Variants in RYR3 observed in about 807,000 individuals in gnomAD.
RYR3 encodes ryanodine receptor 3.
A neutral mutation model predicts 584.3 loss-of-function variants in RYR3; 207 were observed. The observed-to-expected ratio is 0.35, with a 90% confidence interval of 0.32 to 0.40. RYR3 has a LOEUF of 0.40. Among genes scored for constraint, RYR3 ranks in the 10% least tolerant of loss-of-function variants. RYR3 has a pLI of 1.00. For synonymous variants in RYR3, 2,416 were observed against 2,248.5 expected, an observed-to-expected ratio of 1.07 and a Z score of -2.11; for missense variants, 5,616 against 6,089.2, an observed-to-expected ratio of 0.92 and a Z score of 2.59.
intron 2 of RYR3, among the ~76,000 whole-genome samples, chr15:33,487,502 T>C (rs2050559485): frequency 6.6e-6 from 1 of 152,164 alleles, no homozygotes; most frequent in African/African-American, 2.4e-5. Context: ...GACCTAGACA[T>C]TCTTTTTTAT....
At chr15:33,567,453 T>C (rs1287005916) in intron 12 of RYR3, among the ~76,000 whole-genome samples, 1 of 152,202 alleles carries the variant, frequency 6.6e-6, no homozygotes, top group African/African-American at 2.4e-5. Context: ...ATAAATTACG[T>C]GTGTGAATTT....
At chr15:33,379,079 C>T (rs1373077445) in intron 1 of RYR3, among the ~76,000 whole-genome samples, 2 of 152,144 alleles carry the variant, frequency 1.3e-5, no homozygotes, top group African/African-American at 4.8e-5. Context: ...ACTACTTCCC[C>T]CTCTGAGTTT....
chr15:33,750,761 TGTGCAGAAC>T (rs2071207993), intron 57 of RYR3, among the ~76,000 whole-genome samples: 1 of 152,228 alleles, frequency 6.6e-6, no homozygotes, highest in Non-Finnish European at 1.5e-5. Flanking sequence ...CTGGAGTACA[TGTGCAGAAC>T]GTGCAGGTTT....
At chr15:33,732,949 G>A (rs1217334289) in intron 48 of RYR3, among the ~76,000 whole-genome samples, 2 of 152,156 alleles carry the variant, frequency 1.3e-5, no homozygotes, top group African/African-American at 2.4e-5. Context: ...AAATTACTAT[G>A]CATTGGGGAG....
intron 1 of RYR3, among the ~76,000 whole-genome samples, chr15:33,372,261 G>A (rs75079624): frequency 0.13 from 19,374 of 151,920 alleles, 1,460 homozygotes; most frequent in East Asian, 0.37. Flanking sequence ...GCATGATCTC[G>A]GCTAACTGCA....
rs2056017816 is a variant in RYR3, at chr15:33,543,711, C to T, written c.736C>T (p.His246Tyr). The T allele has an allele frequency of 6.2e-7, 1 of 1,603,642 alleles. No individual in the cohort carries two copies. The highest frequency in any genetic ancestry group is 8.5e-7 in the Non-Finnish European group (1 of 1,170,712). ...IPSTDQNDSQ[H>Y]RRIFYEAGGA... is the part of the protein sequence containing the mutation. ...ATCTACAGACCAGAATGATTCCCAG[C>T]ACAGGTAAGTCAGTAGCTGCATTCT... The change falls in exon 8 of 104, where the codon CAC becomes TAC. Residue 246 changes from histidine to tyrosine, a missense_variant. Transcript: ENST00000634891.
At chr15:33,791,014 A>G (rs1951995277) in intron 67 of RYR3, among the ~76,000 whole-genome samples, 1 of 152,230 alleles carries the variant, frequency 6.6e-6, no homozygotes, top group African/African-American at 2.4e-5. Flanking sequence ...CCTTGACAAG[A>G]GCAGTGTCTA....
At chr15:33,543,315 A>G (rs1048072845) in intron 7 of RYR3, among the ~76,000 whole-genome samples, 1 of 152,108 alleles carries the variant, frequency 6.6e-6, no homozygotes, top group African/African-American at 2.4e-5. Flanking sequence ...GGACACTCCT[A>G]ACATTAGCAA....
At chr15:33,314,003 T>C (rs181366821) in intron 1 of RYR3, among the ~76,000 whole-genome samples, 51 of 152,332 alleles carry the variant, frequency 3.3e-4, no homozygotes, top group African/African-American at 1.2e-3. Flanking sequence ...TAGACACTTA[T>C]TTGTGGTAGT....
Position 33,705,707 on chromosome 15 carries a change from G to A in RYR3, c.6484-1212G>A, listed in dbSNP as rs980601370. 7.9e-5 allele frequency among the ~76,000 whole-genome samples: 12 copies of A among 152,170 alleles called. 1 individual carries two copies. The highest frequency in any genetic ancestry group is 1.8e-4 in the Non-Finnish European group (12 of 68,042). On this transcript the variant is annotated intron_variant, in intron 42 of 103. Transcript: ENST00000634891. ...CACCAGTCCCAGTCCTTAATGGATG[G>A]GGATCTCTTTTTCTGGCCATCCCAA...
chr15:33,485,687 G>A (rs117510420), intron 2 of RYR3, among the ~76,000 whole-genome samples: 3,258 of 152,296 alleles, frequency 0.021, 53 homozygotes, highest in Non-Finnish European at 0.027. Context: ...TAGGGTTGAA[G>A]ACCACTTGAG....
At chr15:33,563,772 A>G (rs1406180552) in intron 11 of RYR3, among the ~76,000 whole-genome samples, 1 of 152,204 alleles carries the variant, frequency 6.6e-6, no homozygotes, top group African/African-American at 2.4e-5. Flanking sequence ...AATGCAGGTT[A>G]TGATAAGAAA....
chr15:33,720,653 C>T (rs532335805), intron 43 of RYR3, among the ~76,000 whole-genome samples: 18 of 152,090 alleles, frequency 1.2e-4, no homozygotes, highest in Admixed American at 2.6e-4. Flanking sequence ...TGCTTGAGTC[C>T]GGGAGTTTGA....
chr15:33,391,267 A>G (rs918469860), intron 1 of RYR3, among the ~76,000 whole-genome samples: 1 of 152,202 alleles, frequency 6.6e-6, no homozygotes, highest in African/African-American at 2.4e-5. Flanking sequence ...CTTCACTCTC[A>G]TGCAGCCAAG....
Position 33,634,676 on chromosome 15 carries a change from G to A in RYR3, c.3118G>A (p.Ala1040Thr), listed in dbSNP as rs746835196. 18 of 1,613,990 alleles carry A rather than the reference G, an allele frequency of 1.1e-5. No homozygotes were observed. The highest frequency in any genetic ancestry group is 1.4e-5 in the Non-Finnish European group (17 of 1,179,858). ...GTCAAACAGGGACAGCCTGCGGGAA[G>A]CTGTGCGCACTTTTGTTGGTTACGG... The part of the protein sequence containing the change: ...KKSNRDSLRE[A>T]VRTFVGYGYN... Residue 1040 changes from alanine to threonine, a missense_variant, in exon 25 of 104, where the codon GCT becomes ACT. This residue lies in a region of RYR3 where 1,284 missense variants were observed against 1,344.6 expected (regional missense o/e 0.95). Transcript: ENST00000634891.
intron 16 of RYR3, among the ~76,000 whole-genome samples, 159 bp from the exon 17 acceptor site, chr15:33,601,260 C>T (rs937818278): frequency 2.0e-5 from 3 of 152,184 alleles, no homozygotes; most frequent in African/African-American, 7.2e-5. Flanking sequence ...TCACTCGCTC[C>T]TTCTGGGTAA....
intron 1 of RYR3, among the ~76,000 whole-genome samples, chr15:33,406,891 T>C (rs767719191): frequency 1.8e-4 from 28 of 152,256 alleles, no homozygotes; most frequent in Admixed American, 5.2e-4. Flanking sequence ...GGATATCTTA[T>C]TGAATTTGTG....
chr15:33,313,627 T>C (rs1967666761), intron 1 of RYR3, among the ~76,000 whole-genome samples: 1 of 152,216 alleles, frequency 6.6e-6, no homozygotes, highest in African/African-American at 2.4e-5. Flanking sequence ...TGCCTTAGGC[T>C]TTCTTTCTCC....
intron 1 of RYR3, among the ~76,000 whole-genome samples, chr15:33,397,729 G>A (rs929366530): frequency 2.0e-5 from 3 of 152,148 alleles, no homozygotes; most frequent in African/African-American, 7.2e-5. Flanking sequence ...TTAGGTGTGG[G>A]GTGTGTGACT....
Sources: gnomAD v4.1 joint callset for allele counts (sites outside exome capture counted in the v4.1 genomes callset) on GRCh38, gnomAD v4.1.1 for gene constraint, gnomAD v4.1.1 regional missense constraint, MANE v1.5 for transcripts, NCBI Gene and HGNC (gene_info 2026-07-23, HGNC 2026-07-21) for gene names.